SPECC1: variants seen among roughly 807,000 people sequenced by gnomAD.
The protein encoded by SPECC1 is cytospin-B.
A neutral mutation model predicts 104.1 loss-of-function variants in SPECC1; 62 were observed. That is an observed-to-expected ratio of 0.60 (90% CI 0.49 to 0.74). The LOEUF is 0.74. Ranked by LOEUF, SPECC1 falls within the 30% of genes least tolerant of loss-of-function variation. The probability of loss-of-function intolerance (pLI) is 0.00; values close to 1 mark genes in which losing one functional copy is unlikely to be tolerated. For synonymous variants in SPECC1, 513 were observed against 501.6 expected (o/e 1.02, Z -0.30); for missense variants, 1,306 against 1,310.5 (o/e 1.00, Z 0.05).
intron 4 of SPECC1, among the ~76,000 whole-genome samples, chr17:20,223,240 C>A (rs1436757112): frequency 1.3e-5 from 2 of 151,754 alleles, no homozygotes; most frequent in Non-Finnish European, 2.9e-5. Context: ...AATTTTGTCT[C>A]CTCTGTATAT....
At chr17:20,050,732 A>G (rs1317632444) in intron 1 of SPECC1, among the ~76,000 whole-genome samples, 1 of 152,230 alleles carries the variant, frequency 6.6e-6, no homozygotes, top group Admixed American at 6.5e-5. Context: ...GTCAGAGGAC[A>G]GTAGGATGGT....
chr17:20,027,117 C>G (rs1422564581), intron 1 of SPECC1, among the ~76,000 whole-genome samples: 1 of 152,064 alleles, frequency 6.6e-6, no homozygotes. Context: ...ACTTGAAAAA[C>G]AAGAACAAAG....
intron 1 of SPECC1, among the ~76,000 whole-genome samples, chr17:20,034,894 C>T (rs760422046): frequency 1.1e-4 from 16 of 152,104 alleles, no homozygotes; most frequent in Non-Finnish European, 8.8e-5. Context: ...CGTGAGCCAC[C>T]GTGCGTGGCC....
chr17:20,246,020 T>A lies in SPECC1; in HGVS notation c.2446T>A (p.Ser816Thr). The change falls in exon 8 of 15, where the codon TCG becomes ACG. Residue 816 changes from serine to threonine, a missense_variant. Ser to Thr is a moderately conservative substitution (Grantham distance 58). This residue lies in a region of SPECC1 where 1,177 missense variants were observed against 1,139.9 expected (regional missense o/e 1.03). Coordinates refer to ENST00000395527, the MANE Select transcript of SPECC1 (RefSeq NM_001243439.2). ...VSRTSPTPPE[S>T]ATTVKSLIKS... ...CAGAACATCTCCAACACCCCCAGAG[T>A]CGGCAACCACCGTTAAGTCACTTAT... 6.2e-7 allele frequency: 1 copy of A among 1,614,000 alleles called. No homozygotes were observed.
At chr17:20,044,609 C>T (rs570451891) in intron 1 of SPECC1, among the ~76,000 whole-genome samples, 3 of 152,262 alleles carry the variant, frequency 2.0e-5, no homozygotes, top group Admixed American at 2.0e-4. Flanking sequence ...ATTATAAGCA[C>T]AGAACTTGGC....
intron 1 of SPECC1, among the ~76,000 whole-genome samples, chr17:20,047,319 T>A (rs2045575977): frequency 6.6e-6 from 1 of 152,194 alleles, no homozygotes; most frequent in African/African-American, 2.4e-5. Context: ...ACTCCAGTGT[T>A]CTGGAGAAGA....
chr17:20,276,457 G>A (rs2040579902), intron 12 of SPECC1, among the ~76,000 whole-genome samples: 1 of 152,182 alleles, frequency 6.6e-6, no homozygotes, highest in Non-Finnish European at 1.5e-5. Flanking sequence ...GGTTGTTTCA[G>A]GGTTATGTCT....
chr17:20,119,462 C>A (rs908051513), intron 3 of SPECC1, among the ~76,000 whole-genome samples: 3 of 152,142 alleles, frequency 2.0e-5, no homozygotes, highest in Admixed American at 6.5e-5. Flanking sequence ...GAACTCCCAA[C>A]CTCAGGTGAT....
intron 1 of SPECC1, among the ~76,000 whole-genome samples, chr17:20,092,900 T>G (rs558383777): frequency 6.6e-6 from 1 of 152,326 alleles, no homozygotes; most frequent in East Asian, 1.9e-4. Flanking sequence ...TCTATAGCCT[T>G]GGTGCTCTCC....
intron 8 of SPECC1, among the ~76,000 whole-genome samples, chr17:20,246,854 G>A (rs2039444548): frequency 6.6e-6 from 1 of 152,142 alleles, no homozygotes. Context: ...ACCTAAATTA[G>A]ATTAAGACTA....
intron 6 of SPECC1, 118 bp downstream of exon 6, chr17:20,231,949 G>C (rs770889929): frequency 9.4e-5 from 105 of 1,111,818 alleles, no homozygotes; most frequent in Admixed American, 1.7e-4. Context: ...GGTGGGCCCT[G>C]GAACTGTAAA....
chr17:20,280,223 G>A (rs1047886370), intron 12 of SPECC1, among the ~76,000 whole-genome samples: 2 of 152,214 alleles, frequency 1.3e-5, no homozygotes, highest in Admixed American at 6.5e-5. Flanking sequence ...GAATGGTGAT[G>A]GAAGTAAAGC....
intron 14 of SPECC1, among the ~76,000 whole-genome samples, chr17:20,310,761 C>T (rs1408864696): frequency 1.3e-5 from 2 of 152,204 alleles, no homozygotes; most frequent in African/African-American, 4.8e-5. Context: ...CACCATGCAG[C>T]AATTCCTGAG....
chr17:20,309,748 A>G (rs1169478148), intron 14 of SPECC1, among the ~76,000 whole-genome samples: 1 of 151,782 alleles, frequency 6.6e-6, no homozygotes, highest in Non-Finnish European at 1.5e-5. Context: ...TTATGGCTGC[A>G]TAGTATTCCA....
intron 12 of SPECC1, among the ~76,000 whole-genome samples, chr17:20,263,088 C>G (rs996837224): frequency 1.3e-5 from 2 of 151,708 alleles, no homozygotes; most frequent in Admixed American, 6.6e-5. Flanking sequence ...TCCTGCTACC[C>G]TGTCCACTCT....
intron 3 of SPECC1, among the ~76,000 whole-genome samples, chr17:20,169,729 C>CT (rs2033942439): frequency 6.6e-6 from 1 of 152,144 alleles, no homozygotes; most frequent in African/African-American, 2.4e-5. Flanking sequence ...TCTCGAACTC[C>CT]TGGCCTCAAG....
chr17:20,156,500 G>A (rs1161800708), intron 3 of SPECC1, among the ~76,000 whole-genome samples: 1 of 152,110 alleles, frequency 6.6e-6, no homozygotes, highest in Non-Finnish European at 1.5e-5. Flanking sequence ...CCTGCCGCGG[G>A]GTTCCCCACT....
chr17:20,072,853 G>T (rs774682883), intron 1 of SPECC1, among the ~76,000 whole-genome samples: 14 of 152,172 alleles, frequency 9.2e-5, no homozygotes, highest in Non-Finnish European at 1.6e-4. Context: ...AGAGTTCTTG[G>T]TGCCTGTGGA....
At chr17:20,313,548 C>T (rs1282832730) in intron 14 of SPECC1, among the ~76,000 whole-genome samples, 3 of 152,152 alleles carry the variant, frequency 2.0e-5, no homozygotes, top group Admixed American at 2.0e-4. Flanking sequence ...CACGGGGACC[C>T]GGGTGTGAAA....
Sources: allele counts gnomAD v4.1 joint callset (sites outside exome capture counted in the v4.1 genomes callset), GRCh38; gene constraint gnomAD v4.1.1; regional missense constraint gnomAD v4.1.1; transcripts MANE v1.5; gene names NCBI Gene and HGNC (gene_info 2026-07-23, HGNC 2026-07-21).